NRXN3: variants seen among roughly 807,000 people sequenced by gnomAD.
NRXN3 encodes the protein neurexin 3, also known as neurexin III.
A neutral mutation model predicts 137.6 loss-of-function variants in NRXN3; 32 were observed. That is an observed-to-expected ratio of 0.23 (90% confidence interval 0.18 to 0.31). NRXN3 has a LOEUF of 0.31. NRXN3 is among the 10% of genes least tolerant of loss of function. NRXN3 has a pLI of 1.00. For synonymous variants in NRXN3, 798 were observed against 784.5 expected (o/e 1.02, Z -0.29); for missense variants, 1,574 against 2,062.5 (o/e 0.76, Z 4.59).
At chr14:78,577,446 C>T (rs908404118) in intron 4 of NRXN3, among the ~76,000 whole-genome samples, 1 of 152,136 alleles carries the variant, frequency 6.6e-6, no homozygotes, top group African/African-American at 2.4e-5. Flanking sequence ...TGCTAGTATA[C>T]ATCTGTATAT....
At chr14:79,404,773 CAA>C (rs1189798352) in intron 15 of NRXN3, among the ~76,000 whole-genome samples, 1 of 152,156 alleles carries the variant, frequency 6.6e-6, no homozygotes, top group Non-Finnish European at 1.5e-5. Context: ...TAAAACTTGT[CAA>C]AGTTTACCGT....
At chr14:78,801,607 G>A (rs1228841018) in intron 8 of NRXN3, among the ~76,000 whole-genome samples, 2 of 152,060 alleles carry the variant, frequency 1.3e-5, no homozygotes, top group African/African-American at 4.8e-5. Flanking sequence ...CGACACATAG[G>A]GATTATGAAA....
chr14:79,281,244 G>T (rs2081230204), intron 15 of NRXN3, among the ~76,000 whole-genome samples: 2 of 152,150 alleles, frequency 1.3e-5, no homozygotes, highest in African/African-American at 4.8e-5. Context: ...AAGTGTAAAT[G>T]ACAGTAACTT....
chr14:78,280,206 A>G (rs1393750319), intron 3 of NRXN3, among the ~76,000 whole-genome samples: 1 of 152,248 alleles, frequency 6.6e-6, no homozygotes, highest in Non-Finnish European at 1.5e-5. Context: ...TATTTTAGAC[A>G]GAGGCAGACA....
chr14:78,897,786 A>G (rs1160977179), intron 10 of NRXN3, among the ~76,000 whole-genome samples: 1 of 151,994 alleles, frequency 6.6e-6, no homozygotes, highest in Non-Finnish European at 1.5e-5. Flanking sequence ...AGAGGAAAAC[A>G]TAATTAATCC....
chr14:78,176,232 A>G (rs1213982405), intron 1 of NRXN3, among the ~76,000 whole-genome samples: 1 of 152,164 alleles, frequency 6.6e-6, no homozygotes, highest in African/African-American at 2.4e-5. Context: ...GGGCTTCTCT[A>G]TCCCTGGCTC....
intron 4 of NRXN3, among the ~76,000 whole-genome samples, chr14:78,363,713 C>G (rs75289443): frequency 6.6e-6 from 1 of 152,274 alleles, no homozygotes; most frequent in African/African-American, 2.4e-5. Flanking sequence ...GGGAGGCTTG[C>G]TCTTCCATGC....
chr14:79,425,480 A>G (rs898300898), intron 15 of NRXN3, among the ~76,000 whole-genome samples: 1 of 151,940 alleles, frequency 6.6e-6, no homozygotes. Flanking sequence ...CTCCCCTTTT[A>G]TTTTTCTATC....
At chr14:79,776,180 G>A (rs377260446) in intron 19 of NRXN3, among the ~76,000 whole-genome samples, 51 of 152,232 alleles carry the variant, frequency 3.4e-4, no homozygotes, top group Middle Eastern at 3.4e-3. Context: ...TTACTATGGT[G>A]ATGTATTTAT....
intron 10 of NRXN3, among the ~76,000 whole-genome samples, chr14:78,939,545 C>A (rs73325308): frequency 0.021 from 3,241 of 152,340 alleles, 104 homozygotes; most frequent in African/African-American, 0.071. Flanking sequence ...GGTCCTGTTA[C>A]ACCATTGCCC....
chr14:78,373,131 T>C (rs901826110), intron 4 of NRXN3, among the ~76,000 whole-genome samples: 2 of 152,182 alleles, frequency 1.3e-5, no homozygotes, highest in East Asian at 3.8e-4. Context: ...TTGAAGTATC[T>C]CAAATATATT....
At chr14:78,218,147 C>T (rs1310344460) in intron 1 of NRXN3, among the ~76,000 whole-genome samples, 2 of 151,768 alleles carry the variant, frequency 1.3e-5, no homozygotes, top group East Asian at 3.9e-4. Context: ...TATTTGAGGC[C>T]CAGTGTTCAA....
chr14:79,016,048 C>G (rs2099578654), intron 15 of NRXN3, among the ~76,000 whole-genome samples: 2 of 152,282 alleles, frequency 1.3e-5, no homozygotes, highest in South Asian at 4.2e-4. Flanking sequence ...GTGTCTTTCC[C>G]TTCTCACCTT....
At chr14:79,755,532 A>AT (rs568489887) in intron 19 of NRXN3, among the ~76,000 whole-genome samples, 10,963 of 140,438 alleles carry the variant, frequency 0.078, 1,077 homozygotes, top group African/African-American at 0.24. Context: ...AATACCGAAG[A>AT]TTTTTTTTTT....
chr14:79,061,773 C>T (rs2099674613), intron 15 of NRXN3, among the ~76,000 whole-genome samples: 1 of 152,192 alleles, frequency 6.6e-6, no homozygotes. Flanking sequence ...TCCCAACTCA[C>T]ACCCTCACCA....
At chr14:78,551,682 C>A (rs2096691562) in intron 4 of NRXN3, among the ~76,000 whole-genome samples, 1 of 149,680 alleles carries the variant, frequency 6.7e-6, no homozygotes, top group Admixed American at 6.7e-5. Flanking sequence ...CTCACCTCCT[C>A]CCCTTTCTCC....
At chr14:78,954,344 C>T (rs1055757788) in intron 10 of NRXN3, among the ~76,000 whole-genome samples, 3 of 152,122 alleles carry the variant, frequency 2.0e-5, no homozygotes, top group Admixed American at 6.6e-5. Flanking sequence ...ATATCAAATA[C>T]TATTCCATAT....
chr14:79,544,918 C>T (rs1373344559), intron 16 of NRXN3, among the ~76,000 whole-genome samples: 4 of 152,186 alleles, frequency 2.6e-5, no homozygotes, highest in Non-Finnish European at 5.9e-5. Context: ...TCACTGTTAT[C>T]CTTGGAAGAG....
At chr14:79,028,434 C>T (rs1395961728) in intron 15 of NRXN3, among the ~76,000 whole-genome samples, 2 of 152,096 alleles carry the variant, frequency 1.3e-5, no homozygotes, top group South Asian at 2.1e-4. Flanking sequence ...CTTTGGCTTT[C>T]CAACACCCTC....
Sources: gnomAD v4.1 joint callset for allele counts (sites outside exome capture counted in the v4.1 genomes callset) on GRCh38, gnomAD v4.1.1 for gene constraint, MANE v1.5 for transcripts, NCBI Gene and HGNC (gene_info 2026-07-23, HGNC 2026-07-21) for gene names.